AK5: variants seen among roughly 807,000 people sequenced by gnomAD.
AK5 encodes adenylate kinase 5.
In AK5, 27 loss-of-function variants were observed where a neutral mutation model predicts 69.5. The ratio of observed to expected loss-of-function variants is 0.39; its 90% confidence interval spans 0.29 to 0.54. AK5 has a LOEUF of 0.54. Ranked by LOEUF, AK5 falls within the 20% of genes least tolerant of loss-of-function variation. The pLI, the probability that AK5 is intolerant of heterozygous loss-of-function variation, is 0.71. For missense variants in AK5, 531 were observed against 700.4 expected, an observed-to-expected ratio of 0.76 and a Z score of 2.73; for synonymous variants, 260 against 244.4, an observed-to-expected ratio of 1.06 and a Z score of -0.60.
chr1:77,429,702 G>T (rs919810589), intron 8 of AK5, among the ~76,000 whole-genome samples: 1 of 152,140 alleles, frequency 6.6e-6, no homozygotes, highest in South Asian at 2.1e-4. Context: ...CTCGTGATCC[G>T]CCCGCCTCGG....
At chr1:77,459,650 C>T (rs1653706967) in intron 8 of AK5, among the ~76,000 whole-genome samples, 1 of 152,216 alleles carries the variant, frequency 6.6e-6, no homozygotes, top group Admixed American at 6.5e-5. Context: ...AGGGACCACA[C>T]TTTGAGAACC....
intron 5 of AK5, among the ~76,000 whole-genome samples, chr1:77,333,086 T>C (rs928860571): frequency 1.3e-5 from 2 of 152,156 alleles, no homozygotes; most frequent in Non-Finnish European, 1.5e-5. Context: ...CTCCCTACAG[T>C]CTACTGCTGT....
intron 10 of AK5, among the ~76,000 whole-genome samples, chr1:77,487,922 A>C (rs764578024): frequency 7.9e-5 from 12 of 152,250 alleles, no homozygotes; most frequent in Non-Finnish European, 1.0e-4. Flanking sequence ...ATATATCATT[A>C]ACCTTGAAAA....
chr1:77,520,389 A>G (rs1311332728), intron 11 of AK5, among the ~76,000 whole-genome samples: 1 of 152,076 alleles, frequency 6.6e-6, no homozygotes, highest in Non-Finnish European at 1.5e-5. Context: ...AAACCTTCCA[A>G]TGGCTGCCCG....
At chr1:77,403,225 A>G (rs1254528875) in intron 6 of AK5, among the ~76,000 whole-genome samples, 1 of 152,164 alleles carries the variant, frequency 6.6e-6, no homozygotes, top group African/African-American at 2.4e-5. Flanking sequence ...GGTTGCAAAA[A>G]TGTTCTCCCA....
At chr1:77,551,392 AT>A in intron 13 of AK5, among the ~76,000 whole-genome samples, 1 of 152,158 alleles carries the variant, frequency 6.6e-6, no homozygotes, top group Non-Finnish European at 1.5e-5. Context: ...AAGCCTTATC[AT>A]TTGATTTTGT....
chr1:77,446,658 AC>A (rs1293335586), intron 8 of AK5, among the ~76,000 whole-genome samples: 4 of 152,118 alleles, frequency 2.6e-5, no homozygotes, highest in African/African-American at 9.7e-5. Context: ...TAAATATTTT[AC>A]TTCTTTGATG....
At chr1:77,445,117 C>T (rs564058909) in intron 8 of AK5, among the ~76,000 whole-genome samples, 9 of 152,154 alleles carry the variant, frequency 5.9e-5, no homozygotes, top group South Asian at 2.1e-4. Flanking sequence ...CATCTTTATG[C>T]GGTGGTGATT....
At chr1:77,526,019 G>C (rs1158619990) in intron 12 of AK5, among the ~76,000 whole-genome samples, 1 of 152,112 alleles carries the variant, frequency 6.6e-6, no homozygotes, top group Non-Finnish European at 1.5e-5. Context: ...CATTAAATCT[G>C]TAGATCACTT....
At chr1:77,288,124 G>A (rs1014619727) in intron 2 of AK5, among the ~76,000 whole-genome samples, 1 of 152,156 alleles carries the variant, frequency 6.6e-6, no homozygotes, top group Non-Finnish European at 1.5e-5. Flanking sequence ...AAGGAAGTTG[G>A]AGAAGTAAAC....
intron 5 of AK5, among the ~76,000 whole-genome samples, chr1:77,315,330 T>C (rs1423624275): frequency 6.6e-6 from 1 of 152,102 alleles, no homozygotes; most frequent in African/African-American, 2.4e-5. Flanking sequence ...TCATGCATAC[T>C]ACCAGTAAGT....
At chr1:77,460,716 A>G (rs1176523439) in intron 8 of AK5, among the ~76,000 whole-genome samples, 2 of 145,902 alleles carry the variant, frequency 1.4e-5, no homozygotes, top group Non-Finnish European at 3.0e-5. Flanking sequence ...ATTTCATTTT[A>G]TGTGGAATTT....
At chr1:77,483,454 A>G in intron 9 of AK5, 95 bp downstream of exon 9, 1 of 985,320 alleles carries the variant, frequency 1.0e-6, no homozygotes, top group Non-Finnish European at 1.6e-6. Context: ...AAAAATATTA[A>G]CAGCATCACT....
intron 12 of AK5, among the ~76,000 whole-genome samples, chr1:77,529,716 A>T (rs1287365428): frequency 6.6e-6 from 1 of 152,216 alleles, no homozygotes; most frequent in Non-Finnish European, 1.5e-5. Flanking sequence ...ACTCAACATC[A>T]GCCAAATTAA....
intron 5 of AK5, among the ~76,000 whole-genome samples, chr1:77,329,998 CAGAA>C (rs1661000878): frequency 6.6e-6 from 1 of 152,136 alleles, no homozygotes; most frequent in Non-Finnish European, 1.5e-5. Context: ...GAGCAGCAGA[CAGAA>C]AGAAAGATGG....
chr1:77,426,919 A>G (rs1651248171), intron 8 of AK5, among the ~76,000 whole-genome samples: 1 of 152,206 alleles, frequency 6.6e-6, no homozygotes, highest in Non-Finnish European at 1.5e-5. Flanking sequence ...GAGAAATGTT[A>G]AAATATTTTG....
intron 5 of AK5, among the ~76,000 whole-genome samples, chr1:77,331,899 C>T (rs1232252536): frequency 6.6e-6 from 1 of 152,050 alleles, no homozygotes; most frequent in Non-Finnish European, 1.5e-5. Context: ...ACTTTCTGTT[C>T]ATTCTTTTGT....
intron 6 of AK5, 138 bp downstream of exon 6, chr1:77,340,706 A>G: frequency 1.7e-6 from 1 of 576,648 alleles, no homozygotes; most frequent in South Asian, 5.6e-5. Context: ...AAAAAAATGT[A>G]TCATTTTGAC....
chr1:77,524,303 T>C, intron 12 of AK5, among the ~76,000 whole-genome samples: 1 of 152,356 alleles, frequency 6.6e-6, no homozygotes, highest in East Asian at 1.9e-4. Flanking sequence ...TACCCACAAG[T>C]GGAATTGCTA....
Sources: gnomAD v4.1 joint callset for allele counts (sites outside exome capture counted in the v4.1 genomes callset) on GRCh38, gnomAD v4.1.1 for gene constraint, MANE v1.5 for transcripts, NCBI Gene and HGNC (gene_info 2026-07-23, HGNC 2026-07-21) for gene names.